DIPK1A: variants seen among roughly 807,000 people sequenced by gnomAD.
DIPK1A encodes family with sequence similarity 69 member A.
A neutral mutation model predicts 40.8 loss-of-function variants in DIPK1A; 27 were observed. That is an observed-to-expected ratio of 0.66 (90% CI 0.49 to 0.91). DIPK1A has a LOEUF of 0.91. Ranked by LOEUF, DIPK1A falls within the 40% of genes least tolerant of loss-of-function variation. The probability of loss-of-function intolerance (pLI) is 0.00; values close to 1 mark genes in which losing one functional copy is unlikely to be tolerated. For missense variants in DIPK1A, 412 were observed against 505.7 expected, an observed-to-expected ratio of 0.81 and a Z score of 1.78; for synonymous variants, 166 against 171.3, an observed-to-expected ratio of 0.97 and a Z score of 0.24.
intron 1 of DIPK1A, among the ~76,000 whole-genome samples, chr1:92,952,761 T>C (rs750653171): frequency 6.6e-6 from 1 of 152,044 alleles, no homozygotes; most frequent in African/African-American, 2.4e-5. Context: ...AAATCCTTTA[T>C]GGCTTTTTTT....
At chr1:92,960,592 C>T (rs1652032676) in intron 1 of DIPK1A, among the ~76,000 whole-genome samples, 1 of 152,146 alleles carries the variant, frequency 6.6e-6, no homozygotes, top group Middle Eastern at 3.2e-3. Flanking sequence ...AGACTGGCAG[C>T]GGAACAGAGG....
intron 2 of DIPK1A, among the ~76,000 whole-genome samples, chr1:92,858,579 T>C (rs960344263): frequency 9.9e-5 from 15 of 152,238 alleles, no homozygotes; most frequent in Admixed American, 9.8e-4. Context: ...TTAATACTTT[T>C]TTTTTTTAAA....
intron 1 of DIPK1A, among the ~76,000 whole-genome samples, chr1:92,948,627 TA>T (rs1431713313): frequency 3.7e-4 from 31 of 84,858 alleles, no homozygotes; most frequent in African/African-American, 9.1e-4. Context: ...ATTTATTTTA[TA>T]TTTTTTTGTA....
chr1:92,839,508 A>C (rs1317161523), downstream of DIPK1A, among the ~76,000 whole-genome samples: 1 of 152,184 alleles, frequency 6.6e-6, no homozygotes, highest in African/African-American at 2.4e-5. Context: ...TCCTTGGTAC[A>C]TAATGCTGGG....
In DIPK1A at chr1:92,902,280, G is replaced by C. The variant is rs577589319; in HGVS notation, c.55-25850C>G. 4.6e-5 allele frequency among the ~76,000 whole-genome samples: 7 copies of C among 152,296 alleles called. No homozygotes were observed. In the East Asian group the frequency reaches 1.4e-3, roughly 29 times the overall value. On this transcript the variant is annotated intron_variant, in intron 1 of 4. Transcript: ENST00000370310. ...GCTCTGGCCCAAAGGGCAGGGTAAG[G>C]GGTAGGTGGAGTAGCTCCACCTCCA... is the stretch of plus-strand genomic sequence containing the variant.
chr1:92,837,542 C>G (rs1284533624), downstream of DIPK1A: 6 of 1,611,990 alleles, frequency 3.7e-6, no homozygotes, highest in South Asian at 2.2e-5. Context: ...CAGAATGTTG[C>G]AGATTACATG....
At chr1:92,889,676 A>G (rs772710191) in intron 1 of DIPK1A, among the ~76,000 whole-genome samples, 1 of 151,876 alleles carries the variant, frequency 6.6e-6, no homozygotes, top group Non-Finnish European at 1.5e-5. Context: ...TTGACAGGGT[A>G]TCACTCTGTC....
intron 1 of DIPK1A, among the ~76,000 whole-genome samples, chr1:92,942,853 C>CG (rs1401200427): frequency 3.9e-5 from 6 of 151,990 alleles, no homozygotes; most frequent in African/African-American, 1.2e-4. Flanking sequence ...TTAGTAGAGA[C>CG]GGGGTTTCAC....
chr1:92,898,313 TAAAC>T (rs1439546052), intron 1 of DIPK1A, among the ~76,000 whole-genome samples: 1 of 151,968 alleles, frequency 6.6e-6, no homozygotes, highest in East Asian at 1.9e-4. Flanking sequence ...TACACACTTT[TAAAC>T]AACCAGATCT....
chr1:92,832,818 ACTG>A, exon 5 of DIPK1A: 1 of 584,106 alleles, frequency 1.7e-6, no homozygotes, highest in Non-Finnish European at 3.1e-6. Flanking sequence ...TGGGGGAATT[ACTG>A]CTGAATGTGC....
intron 1 of DIPK1A, among the ~76,000 whole-genome samples, chr1:92,935,442 C>T (rs1557491889): frequency 6.6e-6 from 1 of 152,060 alleles, no homozygotes; most frequent in Non-Finnish European, 1.5e-5. Context: ...TATTAAAACA[C>T]AATTAATAAA....
At chr1:92,833,397 T>A in intron 4 of DIPK1A, 3 of 1,612,726 alleles carry the variant, frequency 1.9e-6, no homozygotes, top group Non-Finnish European at 2.5e-6. Flanking sequence ...AGGGGTTTGT[T>A]AAAGTTGTTA....
At chr1:92,853,531 G>A (rs1055863641) in intron 2 of DIPK1A, among the ~76,000 whole-genome samples, 1 of 152,206 alleles carries the variant, frequency 6.6e-6, no homozygotes, top group Non-Finnish European at 1.5e-5. Flanking sequence ...GGGGAAGGAA[G>A]TGAGACTCGC....
At chr1:92,868,871 C>T (rs1181560448) in intron 2 of DIPK1A, among the ~76,000 whole-genome samples, 2 of 150,516 alleles carry the variant, frequency 1.3e-5, no homozygotes, top group Non-Finnish European at 1.5e-5. Flanking sequence ...GAGGCTGAGG[C>T]AGGAGAATTG....
intron 4 of DIPK1A, chr1:92,836,656 A>G: frequency 2.2e-6 from 1 of 462,112 alleles, no homozygotes; most frequent in South Asian, 2.1e-5. Context: ...TACCTTTTGC[A>G]TATGACTTAA....
intron 1 of DIPK1A, chr1:92,932,735 T>C (rs1172065760): frequency 6.6e-6 from 1 of 152,146 alleles, no homozygotes; most frequent in Non-Finnish European, 1.5e-5. Context: ...TCCAACTACA[T>C]AATATTCTAG....
chr1:92,837,687 ATTAC>A, downstream of DIPK1A: 1 of 1,496,894 alleles, frequency 6.7e-7, no homozygotes, highest in Non-Finnish European at 9.3e-7. Flanking sequence ...AAATAGGTTT[ATTAC>A]TTGTTTTGGG....
chr1:92,931,374 A>G, intron 1 of DIPK1A: 1 of 242,936 alleles, frequency 4.1e-6, no homozygotes, highest in South Asian at 6.6e-5. Context: ...TGAGTGCAGA[A>G]GAAAAGAGAG....
chr1:92,943,805 G>C (rs1375063454), intron 1 of DIPK1A, among the ~76,000 whole-genome samples: 1 of 152,150 alleles, frequency 6.6e-6, no homozygotes, highest in African/African-American at 2.4e-5. Flanking sequence ...TAAAACAGCA[G>C]AGGAAAGCCA....
Sources: allele counts gnomAD v4.1 joint callset (sites outside exome capture counted in the v4.1 genomes callset), GRCh38; gene constraint gnomAD v4.1.1; transcripts MANE v1.5; gene names NCBI Gene and HGNC (gene_info 2026-07-23, HGNC 2026-07-21).